Variants in PITRM1 observed in about 807,000 individuals in gnomAD.
The protein encoded by PITRM1 is pitrilysin metallopeptidase 1, also known as presequence protease, mitochondrial.
A neutral mutation model predicts 129.9 loss-of-function variants in PITRM1; 100 were observed. The observed-to-expected ratio is 0.77, with a 90% CI of 0.65 to 0.91. The LOEUF (loss-of-function observed/expected upper bound fraction) is 0.91, where lower values mean the gene tolerates loss of function less well. Ranked by LOEUF, PITRM1 falls within the 40% of genes least tolerant of loss-of-function variation. PITRM1 has a pLI of 0.00. For missense variants in PITRM1, 1,471 were observed against 1,318.3 expected, an observed-to-expected ratio of 1.12 and a Z score of -1.79; for synonymous variants, 591 against 508.8, an observed-to-expected ratio of 1.16 and a Z score of -2.17.
intron 22 of PITRM1, 111 bp from the exon 23 acceptor site, chr10:3,143,612 C>T (rs1397864991): frequency 9.3e-6 from 7 of 748,896 alleles, no homozygotes; most frequent in South Asian, 5.8e-5. Flanking sequence ...GCACTGCCCA[C>T]GGCACTGGGA....
Position 3,140,734 on chromosome 10 carries a change from T to A in PITRM1, c.2724A>T (p.Gly908=), listed in dbSNP as rs1412188467. ...TCCCATTGTGGCTGAGTTTTGCGCC[T>A]CCACCATAAGCACCGCCTTTTTCTC... ...EIREKGGAYG[G]GAKLSHNGIF... The change falls in exon 24 of 27, where the codon GGA becomes GGT. Residue 908 remains glycine (G), a synonymous_variant. Coordinates refer to ENST00000224949, the MANE Select transcript of PITRM1 (RefSeq NM_014889.4). The A allele has an allele frequency of 6.3e-7, 1 of 1,597,970 alleles. No homozygotes were observed. Among genetic ancestry groups the A allele is most frequent in the Admixed American group, 1.7e-5 (1 of 57,730 alleles).
chr10:3,138,558 G>A, intron 25 of PITRM1: 1 of 608,796 alleles, frequency 1.6e-6, no homozygotes, highest in Non-Finnish European at 2.9e-6. Flanking sequence ...CAGGGATGCA[G>A]TCAGCGCCGC....
At chr10:3,151,033 C>T (rs933881304) in intron 15 of PITRM1, 2 of 508,548 alleles carry the variant, frequency 3.9e-6, no homozygotes, top group Non-Finnish European at 7.2e-6. Context: ...GGAACACACA[C>T]ACACACGGGC....
At chr10:3,144,107 T>G in intron 22 of PITRM1, 185 bp downstream of exon 22, 2 of 601,702 alleles carry the variant, frequency 3.3e-6, no homozygotes, top group East Asian at 2.8e-5. Context: ...GGGCCTTCAC[T>G]CAGTACTGTC....
chr10:3,167,336 T>C (rs1049496767), intron 2 of PITRM1, among the ~76,000 whole-genome samples: 1 of 152,248 alleles, frequency 6.6e-6, no homozygotes, highest in East Asian at 1.9e-4. Flanking sequence ...ACTGGCTAGG[T>C]ATTTTAGATT....
At chr10:3,172,572 G>T in intron 1 of PITRM1, 145 bp downstream of exon 1, 1 of 710,992 alleles carries the variant, frequency 1.4e-6, no homozygotes, top group Non-Finnish European at 2.2e-6. Flanking sequence ...GGAGCTCCAG[G>T]AAGGGCTCGG....
chr10:3,163,624 A>G, intron 7 of PITRM1, 101 bp downstream of exon 7: 7 of 984,226 alleles, frequency 7.1e-6, no homozygotes, highest in Non-Finnish European at 7.5e-6. Context: ...ATATTTCTTA[A>G]GCATTGCTAA....
chr10:3,144,069 CT>C (rs1840567669), intron 22 of PITRM1: 4 of 589,728 alleles, frequency 6.8e-6, no homozygotes, highest in Non-Finnish European at 1.2e-5. Context: ...CAGGGCCCTC[CT>C]CGGCACAGGA....
intron 24 of PITRM1, 146 bp downstream of exon 24, chr10:3,140,541 G>T: frequency 1.4e-6 from 1 of 693,948 alleles, no homozygotes; most frequent in Non-Finnish European, 2.4e-6. Context: ...TGCTGGGTGT[G>T]GCTAAGTGCC....
chr10:3,139,638 T>C (rs1032820728), intron 24 of PITRM1, among the ~76,000 whole-genome samples: 2 of 152,186 alleles, frequency 1.3e-5, no homozygotes, highest in African/African-American at 4.8e-5. Flanking sequence ...TACCTACGTA[T>C]CTACCTACAT....
At chr10:3,146,288 A>C (rs1840854372) in intron 20 of PITRM1, 1 of 153,618 alleles carries the variant, frequency 6.5e-6, no homozygotes, top group African/African-American at 2.4e-5. Flanking sequence ...AACTTATTCT[A>C]GTTAAAGTAA....
At position 3,160,226 on chromosome 10, in the gene PITRM1, G is replaced by A. The variant is rs1402924854; in HGVS notation, c.896C>T (p.Ala299Val). 1.9e-6 allele frequency: 3 copies of A among 1,613,900 alleles called. No homozygotes were observed. Among genetic ancestry groups the A allele is most frequent in the Admixed American group, 3.3e-5 (2 of 60,030 alleles). Reference protein sequence around the residue: ...QKIEPSTVVPAQTPWDKPREF... With the variant: ...QKIEPSTVVPVQTPWDKPREF... ...CACAGGCTTGTCCCAGGGTGTCTGA[G>A]CTGGCACCACGGTGCTTGGTTCAAT... is the stretch of plus-strand genomic sequence containing the variant. The change falls in exon 8 of 27, where the codon GCT becomes GTT. Residue 299 changes from alanine to valine, a missense_variant. Transcript: ENST00000224949.
intron 13 of PITRM1, 57 bp downstream of exon 13, chr10:3,156,873 T>A (rs942147190): frequency 8.8e-7 from 1 of 1,139,742 alleles, no homozygotes; most frequent in African/African-American, 1.6e-5. Flanking sequence ...AATATTCCTT[T>A]CATTAGTATA....
At chr10:3,139,494 G>C (rs762717987) in intron 24 of PITRM1, among the ~76,000 whole-genome samples, 5 of 151,858 alleles carry the variant, frequency 3.3e-5, no homozygotes, top group East Asian at 1.9e-4. Flanking sequence ...ACTTCCCTTC[G>C]TGTAAATGCA....
Position 3,165,507 on chromosome 10 carries a change from G to A in PITRM1, c.439C>T (p.Pro147Ser). Reference protein sequence around the residue: ...AFTASDYTLYPFSTQNPKDFQ... With the variant: ...AFTASDYTLYSFSTQNPKDFQ... ...TCCTTGGGATTTTGTGTGGAAAATG[G>A]ATACAGAGTATAATCACTAGCTGGG... The change falls in exon 5 of 27, where the codon CCA (proline) becomes TCA (serine). Residue 147 changes from proline to serine, a missense_variant. Physicochemically the swap from Pro to Ser is moderately conservative, Grantham distance 74 (BLOSUM62 -1). Coordinates refer to ENST00000224949, the MANE Select transcript of PITRM1 (RefSeq NM_014889.4). 6.2e-7 allele frequency: 1 copy of A among 1,601,440 alleles called. No individual in the cohort carries two copies. Among genetic ancestry groups the A allele is most frequent in the African/African-American group, 1.3e-5 (1 of 74,710 alleles).
At position 3,171,146 on chromosome 10, in the gene PITRM1, T is replaced by TAAAAAAAAAAAAAAAAAAAAAAAAAA. The variant is rs1588736135; in HGVS notation, c.57-941_57-940insTTTTTTTTTTTTTTTTTTTTTTTTTT. The stretch of plus-strand genomic sequence containing the variant: ...GATAAAGTGCGGACTAATCGTTCAA[T>TAAAAAAAAAAAAAAAAAAAAAAAAAA]TAAAAAAAAAAAAAAAAAAAAAAAA... On this transcript the variant is annotated intron_variant, in intron 1 of 26. Transcript: ENST00000224949. Among the ~76,000 whole-genome samples, 46 of 36,264 alleles carry TAAAAAAAAAAAAAAAAAAAAAAAAAA rather than the reference T, an allele frequency of 1.3e-3. 18 individuals carry two copies. Among genetic ancestry groups the TAAAAAAAAAAAAAAAAAAAAAAAAAA allele is most frequent in the African/African-American group, 1.5e-3 (16 of 10,930 alleles). The allele number at this position is 36,264 out of a possible 152,430, so 23.8% of individuals were successfully genotyped here. A position where few individuals can be genotyped will look rare whatever the true frequency, so the allele number is the denominator to read the frequency against.
At position 3,160,274 on chromosome 10, in the gene PITRM1, T is replaced by C. The variant is rs1588696612; in HGVS notation, c.848A>G (p.Glu283Gly). 1 of 1,613,618 alleles carries C rather than the reference T, an allele frequency of 6.2e-7. No individual in the cohort carries two copies. The highest frequency in any genetic ancestry group is 8.5e-7 in the Non-Finnish European group (1 of 1,179,534). ...LEQHLKQIHE[E>G]ALSKFQKIEP... ...AATTTTCTGGAATTTGCTCAGTGCTTCCTCGTGAATTTGTTTCAGATGCTG... is the reference window on the plus strand; with the variant it reads ...AATTTTCTGGAATTTGCTCAGTGCTCCCTCGTGAATTTGTTTCAGATGCTG... The change falls in exon 8 of 27, where the codon GAA becomes GGA. Residue 283 changes from glutamate to glycine, a missense_variant. Physicochemically the swap from Glu to Gly is moderately conservative, Grantham distance 98 (BLOSUM62 -2). Coordinates refer to ENST00000224949, the MANE Select transcript of PITRM1 (RefSeq NM_014889.4).
rs747686155 is a variant in PITRM1 at position 3,151,344 on chromosome 10, T to A, written c.1641A>T (p.Gln547His). ...IYEKGLELRS[Q>H]QSKPQDASCL... ...AAGAGGCATCTTGAGGTTTGCTTTGTTGACTCCGTAATTCTAGACCTAAAA... is the reference window on the plus strand; with the variant it reads ...AAGAGGCATCTTGAGGTTTGCTTTGATGACTCCGTAATTCTAGACCTAAAA... The change falls in exon 15 of 27, where the codon CAA becomes CAT. Residue 547 changes from glutamine to histidine, a missense_variant. Transcript: ENST00000224949. The A allele has an allele frequency of 6.2e-7, 1 of 1,607,096 alleles. No homozygotes were observed. Among genetic ancestry groups the A allele is most frequent in the African/African-American group, 1.3e-5 (1 of 74,802 alleles).
At chr10:3,152,850 A>T (rs1841640460) in intron 14 of PITRM1, among the ~76,000 whole-genome samples, 2 of 152,234 alleles carry the variant, frequency 1.3e-5, no homozygotes, top group Non-Finnish European at 2.9e-5. Flanking sequence ...TCCTTCTCTG[A>T]ATGCACTCAC....
Sources: gnomAD v4.1 joint callset for allele counts (sites outside exome capture counted in the v4.1 genomes callset) on GRCh38, gnomAD v4.1.1 for gene constraint, MANE v1.5 for transcripts, NCBI Gene and HGNC (gene_info 2026-07-23, HGNC 2026-07-21) for gene names.